Variants in SIPA1L1 observed in about 807,000 individuals in gnomAD.
SIPA1L1 encodes signal-induced proliferation-associated 1-like protein 1.
A neutral mutation model predicts 162.7 loss-of-function variants in SIPA1L1; 26 were observed. The ratio of observed to expected loss-of-function variants is 0.16; its 90% CI spans 0.12 to 0.22. The LOEUF is 0.22. Ranked by LOEUF, SIPA1L1 falls within the 10% of genes least tolerant of loss-of-function variation. The pLI is 1.00. For missense variants in SIPA1L1, 1,874 were observed against 2,241.0 expected, an observed-to-expected ratio of 0.84 and a Z score of 3.31; for synonymous variants, 829 against 837.4, an observed-to-expected ratio of 0.99 and a Z score of 0.17.
At chr14:71,353,247 G>GT (rs1222471184) in intron 2 of SIPA1L1, among the ~76,000 whole-genome samples, 1 of 152,176 alleles carries the variant, frequency 6.6e-6, no homozygotes, top group Non-Finnish European at 1.5e-5. Flanking sequence ...ATGGTGTCCT[G>GT]TTTTAAGAAA....
Position 71,419,231 on chromosome 14 carries a change from CA to C in SIPA1L1, c.-464-93511del, listed in dbSNP as rs914934650. Reference sequence around the variant, plus strand: ...AGAGCTAACGGACTTTGTTTTCTTTCAGGGTTTTTTTTTTTTTTAAGTCTAT... The same window carrying C: ...AGAGCTAACGGACTTTGTTTTCTTTCGGGTTTTTTTTTTTTTTAAGTCTAT... On this transcript the variant is annotated intron_variant, in intron 2 of 23. Transcript: ENST00000381232. Among the ~76,000 whole-genome samples, 23 of 150,508 alleles carry C rather than the reference CA, an allele frequency of 1.5e-4. 1 individual carries two copies. Among genetic ancestry groups the C allele is most frequent in the African/African-American group, 4.6e-4 (19 of 41,092 alleles).
At chr14:71,642,756 A>G (rs951781983) in intron 7 of SIPA1L1, among the ~76,000 whole-genome samples, 3 of 152,178 alleles carry the variant, frequency 2.0e-5, no homozygotes, top group East Asian at 1.9e-4. Context: ...TAAAACCACA[A>G]AAATGACTCT....
chr14:71,661,060 A>G (rs2043464478), intron 9 of SIPA1L1, among the ~76,000 whole-genome samples: 1 of 152,232 alleles, frequency 6.6e-6, no homozygotes, highest in African/African-American at 2.4e-5. Context: ...GACCTGGCAT[A>G]ATATGCCAGA....
At chr14:71,510,264 G>A (rs916309138) in intron 2 of SIPA1L1, among the ~76,000 whole-genome samples, 2 of 145,888 alleles carry the variant, frequency 1.4e-5, no homozygotes, top group Non-Finnish European at 3.0e-5. Flanking sequence ...TTGGCTCACG[G>A]CAACCTCTGC....
chr14:71,587,655 G>A lies in SIPA1L1; in HGVS notation c.-218G>A, dbSNP rs2034784768. The A allele has an allele frequency of 2.0e-6, 1 of 487,994 alleles. No individual in the cohort carries two copies. The highest frequency in any genetic ancestry group is 3.6e-6 in the Non-Finnish European group (1 of 279,268). 30.2% of individuals were successfully genotyped at this position (487,994 alleles called of 1,614,324 possible). A position where few individuals can be genotyped will look rare whatever the true frequency, so the allele number is the denominator to read the frequency against. ...TTCTGAAAGAAAGCCCTCTGTTAAAGTGAAGCAAAGAAACTGTTGTGGATT... is the reference window on the plus strand; with the variant it reads ...TTCTGAAAGAAAGCCCTCTGTTAAAATGAAGCAAAGAAACTGTTGTGGATT... On this transcript the variant is annotated 5_prime_UTR_variant, in exon 5 of 24. It adds an upstream start codon to the 5' untranslated region. Coordinates refer to ENST00000381232, the MANE Select transcript of SIPA1L1 (RefSeq NM_001386936.1).
At chr14:71,662,069 C>T (rs1479384356) in intron 10 of SIPA1L1, among the ~76,000 whole-genome samples, 2 of 152,196 alleles carry the variant, frequency 1.3e-5, no homozygotes, top group Non-Finnish European at 2.9e-5. Flanking sequence ...ACCTGTCACG[C>T]TAGCTCGATA....
intron 4 of SIPA1L1, among the ~76,000 whole-genome samples, chr14:71,577,046 G>GCACTC (rs1382809607): frequency 7.0e-6 from 1 of 141,932 alleles, no homozygotes; most frequent in Non-Finnish European, 1.5e-5. Flanking sequence ...TCATGCTATT[G>GCACTC]CACTCCAGCC....
chr14:71,564,548 C>T (rs944295948), intron 4 of SIPA1L1, among the ~76,000 whole-genome samples: 7 of 132,754 alleles, frequency 5.3e-5, no homozygotes, highest in Non-Finnish European at 9.2e-5. Context: ...TGCAGTGGCA[C>T]GATCTTGGCT....
chr14:71,559,193 G>A (rs1473195919), intron 4 of SIPA1L1, among the ~76,000 whole-genome samples: 5 of 151,386 alleles, frequency 3.3e-5, no homozygotes, highest in South Asian at 4.2e-4. Flanking sequence ...TCAGCCTCCC[G>A]AGTACCTGGG....
At chr14:71,349,884 A>T (rs566228018) in intron 2 of SIPA1L1, among the ~76,000 whole-genome samples, 2 of 152,218 alleles carry the variant, frequency 1.3e-5, no homozygotes, top group African/African-American at 4.8e-5. Flanking sequence ...AAATATAGGC[A>T]GAGTGCCTAG....
intron 13 of SIPA1L1, among the ~76,000 whole-genome samples, chr14:71,687,246 C>T (rs1193927556): frequency 6.6e-6 from 1 of 152,174 alleles, no homozygotes; most frequent in Non-Finnish European, 1.5e-5. Flanking sequence ...CATAGTGGCC[C>T]CATTACCATC....
intron 10 of SIPA1L1, among the ~76,000 whole-genome samples, chr14:71,668,688 CTCTG>C (rs963217751): frequency 1.3e-5 from 2 of 152,150 alleles, no homozygotes; most frequent in Non-Finnish European, 2.9e-5. Flanking sequence ...TAGCCTCTAG[CTCTG>C]TCTGTCTGTC....
At chr14:71,395,799 TTA>T (rs1405003075) in intron 2 of SIPA1L1, among the ~76,000 whole-genome samples, 1 of 152,214 alleles carries the variant, frequency 6.6e-6, no homozygotes, top group Non-Finnish European at 1.5e-5. Context: ...GGATTTATAT[TTA>T]TTAAGTATGA....
At chr14:71,363,515 A>G (rs1168500749) in intron 2 of SIPA1L1, among the ~76,000 whole-genome samples, 1 of 152,160 alleles carries the variant, frequency 6.6e-6, no homozygotes, top group Non-Finnish European at 1.5e-5. Context: ...TTTTTAAACA[A>G]CTACCTAATT....
intron 2 of SIPA1L1, among the ~76,000 whole-genome samples, chr14:71,406,513 A>G (rs1333489076): frequency 6.6e-6 from 1 of 152,200 alleles, no homozygotes; most frequent in African/African-American, 2.4e-5. Flanking sequence ...TCAAATCAAT[A>G]TTTAAGATAA....
At position 71,335,180 on chromosome 14, in the gene SIPA1L1, G is replaced by A. The variant is rs182271765; in HGVS notation, c.-465+13999G>A. Among the ~76,000 whole-genome samples, 344 of 152,260 alleles carry A rather than the reference G, an allele frequency of 2.3e-3. 5 individuals carry two copies. Among genetic ancestry groups the A allele is most frequent in the Non-Finnish European group, 3.7e-3 (253 of 68,002 alleles). On this transcript the variant is annotated intron_variant, in intron 2 of 23. Coordinates refer to ENST00000381232, the MANE Select transcript of SIPA1L1 (RefSeq NM_001386936.1). ...CCGGGCGTGGTAGTGGGCGCCTGTA[G>A]TTCCAGCTACTTGGCAGGCTGAGGT...
chr14:71,732,092 A>C (rs1478447267), intron 20 of SIPA1L1, among the ~76,000 whole-genome samples: 1 of 152,204 alleles, frequency 6.6e-6, no homozygotes, highest in Non-Finnish European at 1.5e-5. Context: ...TGAACATTTA[A>C]TATCTTGCAG....
chr14:71,445,397 T>C (rs1213074160), intron 2 of SIPA1L1, among the ~76,000 whole-genome samples: 1 of 152,200 alleles, frequency 6.6e-6, no homozygotes, highest in East Asian at 1.9e-4. Context: ...CACTGATCAC[T>C]GTTTCTTTCT....
intron 2 of SIPA1L1, among the ~76,000 whole-genome samples, chr14:71,421,688 A>ACTCC (rs1464902491): frequency 1.3e-5 from 2 of 151,816 alleles, no homozygotes; most frequent in South Asian, 2.1e-4. Context: ...TTCCTCCTTG[A>ACTCC]CTCCCTCCCT....
Sources: gnomAD v4.1 joint callset for allele counts (sites outside exome capture counted in the v4.1 genomes callset) on GRCh38, gnomAD v4.1.1 for gene constraint, MANE v1.5 for transcripts, NCBI Gene and HGNC (gene_info 2026-07-23, HGNC 2026-07-21) for gene names.